Variants in SLC9B1 observed in about 807,000 individuals in gnomAD.
The protein encoded by SLC9B1 is sodium/hydrogen exchanger 9B1.
Under a neutral mutation model 51.7 loss-of-function variants are expected in SLC9B1, and 32 were observed. The observed-to-expected ratio is 0.62, with a 90% CI of 0.47 to 0.83. The LOEUF (loss-of-function observed/expected upper bound fraction) is 0.83, where lower values mean the gene tolerates loss of function less well. SLC9B1 is among the 40% of genes least tolerant of loss of function. The pLI, the probability that SLC9B1 is intolerant of heterozygous loss-of-function variation, is 0.00. For synonymous variants in SLC9B1, 145 were observed against 212.7 expected (o/e 0.68, Z 2.77); for missense variants, 406 against 613.2 (o/e 0.66, Z 3.57).
At chr4:102,941,480 A>G (rs1354705947) in intron 6 of SLC9B1, 2 of 455,680 alleles carry the variant, frequency 4.4e-6, no homozygotes, top group African/African-American at 4.0e-5. Context: ...TATTATCAAA[A>G]AGTCAAAAAG....
chr4:103,011,885 TGTGATAAGA>T (rs1489161849), intron 1 of SLC9B1, among the ~76,000 whole-genome samples: 1 of 152,178 alleles, frequency 6.6e-6, no homozygotes, highest in Non-Finnish European at 1.5e-5. Flanking sequence ...ACTCTGAGCC[TGTGATAAGA>T]GTGGTAGCCT....
In SLC9B1 at chr4:102,938,137, T is replaced by C. The variant is rs1241469630; in HGVS notation, c.654-5838A>G. ...ATCTGCTGTCAAGAGACCCAGCTCA[T>C]ATGCAACGATACCCATTGGCTCAAA... On this transcript the variant is annotated intron_variant, in intron 6 of 11. Coordinates refer to ENST00000296422, the MANE Select transcript of SLC9B1 (RefSeq NM_139173.4). 3.3e-5 allele frequency among the ~76,000 whole-genome samples: 5 copies of C among 152,234 alleles called. No individual in the cohort carries two copies. The East Asian group carries it at 9.7e-4, about 29-fold the overall frequency.
intron 11 of SLC9B1, among the ~76,000 whole-genome samples, chr4:102,893,291 A>AAAAAAG (rs1482337110): frequency 1.1e-4 from 16 of 148,660 alleles, no homozygotes; most frequent in African/African-American, 3.7e-4. Context: ...CAAAAAAAAA[A>AAAAAAG]AAAAAAAAAA....
chr4:102,912,640 G>A lies in SLC9B1; in HGVS notation c.830-1103C>T, dbSNP rs767333541. Among the ~76,000 whole-genome samples, 58 of 152,192 alleles carry A rather than the reference G, an allele frequency of 3.8e-4. 1 individual carries two copies. Among genetic ancestry groups the A allele is most frequent in the Non-Finnish European group, 7.9e-4 (54 of 68,028 alleles). The stretch of plus-strand genomic sequence containing the variant: ...TCACACCTTTAATCCTAGCACTTTG[G>A]GAGGCCAAGGCAGAAGGATTGCTTG... On this transcript the variant is annotated intron_variant, in intron 7 of 11. Transcript: ENST00000296422.
chr4:103,016,344 T>C (rs1040963883), intron 1 of SLC9B1, among the ~76,000 whole-genome samples: 6 of 152,046 alleles, frequency 3.9e-5, no homozygotes, highest in African/African-American at 1.4e-4. Flanking sequence ...TCCTTATCTT[T>C]AAGAACCCTT....
rs192367206 is a variant in SLC9B1 at position 102,921,594 on chromosome 4, C to A, written c.830-10057G>T. Among the ~76,000 whole-genome samples, 221 of 152,184 alleles carry A rather than the reference C, an allele frequency of 1.5e-3. 2 individuals carry two copies. The highest frequency in any genetic ancestry group is 5.2e-3 in the African/African-American group (217 of 41,526). Reference sequence around the variant, plus strand: ...ATAAACGTAAATGGGCTAAATGCCCCAATTAAAAGACACAGACTGGCAAAC... The same window carrying A: ...ATAAACGTAAATGGGCTAAATGCCCAAATTAAAAGACACAGACTGGCAAAC... On this transcript the variant is annotated intron_variant, in intron 7 of 11. Coordinates refer to ENST00000296422, the MANE Select transcript of SLC9B1 (RefSeq NM_139173.4).
In SLC9B1 at chr4:102,959,826, A is replaced by G. The variant is rs574453889; in HGVS notation, c.212-10399T>C. On this transcript the variant is annotated intron_variant, in intron 3 of 11. Coordinates refer to ENST00000296422, the MANE Select transcript of SLC9B1 (RefSeq NM_139173.4). ...GCAATTTGACACTGTATTTTATAAA[A>G]AGTAAATATCAGTCTACATCAAATA... 1.8e-4 allele frequency among the ~76,000 whole-genome samples: 28 copies of G among 152,300 alleles called. No homozygotes were observed. The South Asian group carries it at 5.6e-3, about 30-fold the overall frequency.
intron 3 of SLC9B1, among the ~76,000 whole-genome samples, chr4:102,972,132 C>A (rs1440666026): frequency 6.6e-6 from 1 of 152,138 alleles, no homozygotes; most frequent in Non-Finnish European, 1.5e-5. Flanking sequence ...TCCTCCCTAC[C>A]ACATTTTATG....
intron 3 of SLC9B1, among the ~76,000 whole-genome samples, chr4:102,980,131 T>G (rs1739280235): frequency 6.6e-6 from 1 of 152,156 alleles, no homozygotes; most frequent in Non-Finnish European, 1.5e-5. Context: ...AAAGAAACAC[T>G]TTTACACTGT....
At chr4:102,975,582 A>ATTTTTTTTTTT (rs1361023040) in intron 3 of SLC9B1, among the ~76,000 whole-genome samples, 12 of 73,528 alleles carry the variant, frequency 1.6e-4, no homozygotes, top group South Asian at 8.5e-4. Flanking sequence ...ATATATATAT[A>ATTTTTTTTTTT]TATATTTTTT....
chr4:102,988,255 G>T (rs1739763696), intron 3 of SLC9B1, among the ~76,000 whole-genome samples: 1 of 152,064 alleles, frequency 6.6e-6, no homozygotes. Context: ...TACTGTCCTA[G>T]ACTATCCATT....
At chr4:102,977,072 CCCAGGAAGT>C (rs1739109733) in intron 3 of SLC9B1, among the ~76,000 whole-genome samples, 1 of 151,768 alleles carries the variant, frequency 6.6e-6, no homozygotes, top group Non-Finnish European at 1.5e-5. Flanking sequence ...ATCACTTGAG[CCCAGGAAGT>C]CAAGGTTGCA....
rs61227731 is a variant in SLC9B1, at chr4:103,016,134, C to CAAAAAA, written c.-2+3459_-2+3464dup. Among the ~76,000 whole-genome samples the CAAAAAA allele has an allele frequency of 8.9e-4, 44 of 49,630 alleles. 1 individual carries two copies. Among genetic ancestry groups the CAAAAAA allele is most frequent in the South Asian group, 4.2e-3 (5 of 1,188 alleles). The allele number at this position is 49,630 out of a possible 152,430, so 32.6% of individuals were successfully genotyped here. A position where few individuals can be genotyped will look rare whatever the true frequency, so the allele number is the denominator to read the frequency against. On this transcript the variant is annotated intron_variant, in intron 1 of 11. Transcript: ENST00000296422. Reference sequence around the variant, plus strand: ...GGACAACAAGAGCCAAACTCTGTCTCAAAAAAAAAAAAAAAAAAAGGAAAG... The same window carrying CAAAAAA: ...GGACAACAAGAGCCAAACTCTGTCTCAAAAAAAAAAAAAAAAAAAAAAAAAGGAAAG...
At chr4:102,969,616 C>A (rs1325764217) in intron 3 of SLC9B1, among the ~76,000 whole-genome samples, 1 of 152,156 alleles carries the variant, frequency 6.6e-6, no homozygotes, top group Admixed American at 6.5e-5. Context: ...AGCAATGGAA[C>A]AAAGCTGGAT....
In SLC9B1 at chr4:102,932,301, TGAAA is replaced by T; in HGVS notation, c.654-6_654-3del. ...GGAGAGACAGCACCTAGAACAAAAC[TGAAA>T]GAAAGAATGAAAATTAATTTAAAAG... On this transcript the variant is annotated splice_polypyrimidine_tract_variant and splice_region_variant and intron_variant, in intron 6 of 11. Coordinates refer to ENST00000296422, the MANE Select transcript of SLC9B1 (RefSeq NM_139173.4). The T allele has an allele frequency of 6.2e-7, 1 of 1,607,670 alleles. No individual in the cohort carries two copies. Among genetic ancestry groups the T allele is most frequent in the Non-Finnish European group, 8.5e-7 (1 of 1,177,790 alleles).
At chr4:102,981,089 T>G (rs1739329725) in intron 3 of SLC9B1, among the ~76,000 whole-genome samples, 1 of 152,182 alleles carries the variant, frequency 6.6e-6, no homozygotes, top group Non-Finnish European at 1.5e-5. Context: ...ATAGTTGGAC[T>G]CGCACAGAAT....
intron 1 of SLC9B1, among the ~76,000 whole-genome samples, chr4:103,002,238 T>G (rs1009575372): frequency 6.6e-6 from 1 of 152,228 alleles, no homozygotes; most frequent in Admixed American, 6.5e-5. Context: ...ACTTGGTTTA[T>G]TTCTACTGTC....
At chr4:102,964,571 G>A (rs952650745) in intron 3 of SLC9B1, among the ~76,000 whole-genome samples, 7 of 152,082 alleles carry the variant, frequency 4.6e-5, no homozygotes, top group African/African-American at 1.4e-4. Flanking sequence ...AAATGTAATT[G>A]AGCAACATAT....
chr4:102,923,912 C>A (rs1215349201), intron 7 of SLC9B1, among the ~76,000 whole-genome samples: 1 of 152,150 alleles, frequency 6.6e-6, no homozygotes, highest in African/African-American at 2.4e-5. Context: ...AAAGAGGACA[C>A]AAACAAATGG....
Sources: allele counts gnomAD v4.1 joint callset (sites outside exome capture counted in the v4.1 genomes callset), GRCh38; gene constraint gnomAD v4.1.1; transcripts MANE v1.5; gene names NCBI Gene and HGNC (gene_info 2026-07-23, HGNC 2026-07-21).